The following DNAH6 variants were observed in gnomAD, a reference collection of about 807,000 sequenced individuals.
DNAH6 encodes the protein dynein axonemal heavy chain 6.
DNAH6 carries 340 observed loss-of-function variants against 491.4 expected under a neutral mutation model. That is an observed-to-expected ratio of 0.69 (90% CI 0.63 to 0.76). DNAH6 has a LOEUF of 0.76. Ranked by LOEUF, DNAH6 falls within the 30% of genes least tolerant of loss-of-function variation. The pLI, the probability that DNAH6 is intolerant of heterozygous loss-of-function variation, is 0.00. For synonymous variants in DNAH6, 1,603 were observed against 1,686.1 expected, an observed-to-expected ratio of 0.95 and a Z score of 1.21; for missense variants, 4,443 against 4,972.2, an observed-to-expected ratio of 0.89 and a Z score of 3.20.
chr2:84,626,369 T>C (rs1687856575), intron 29 of DNAH6, among the ~76,000 whole-genome samples: 1 of 152,192 alleles, frequency 6.6e-6, no homozygotes, highest in Non-Finnish European at 1.5e-5. Context: ...TATAACTAAA[T>C]TATGTCTTCA....
At position 84,517,908 on chromosome 2, in the gene DNAH6, A is replaced by C. The variant is rs756089376; in HGVS notation, c.82A>C (p.Asn28His). The change falls in exon 2 of 77, where the codon AAT (asparagine) becomes CAT (histidine). Residue 28 changes from asparagine (N) to histidine (H), a missense_variant. Coordinates refer to ENST00000389394, the MANE Select transcript of DNAH6 (RefSeq NM_001370.2). The part of the protein sequence containing the change: ...YAENSALSRL[N>H]NIKAKQRVSY... ...CGAAAATTCTGCACTTTCAAGACTG[A>C]ATAATATAAAAGCCAAACAAAGAGT... 15 of 1,551,702 alleles carry C rather than the reference A, an allele frequency of 9.7e-6. No individual in the cohort carries two copies. The Admixed American group carries it at 1.4e-4, about 14-fold the overall frequency.
intron 63 of DNAH6, among the ~76,000 whole-genome samples, chr2:84,761,806 A>G (rs1158990643): frequency 1.3e-5 from 2 of 151,730 alleles, no homozygotes; most frequent in Non-Finnish European, 2.9e-5. Context: ...ACACACACAC[A>G]CACACACACA....
rs758606155 is a variant in DNAH6, at chr2:84,713,250, T to C, written c.9534T>C (p.Tyr3178=). 10 of 1,551,986 alleles carry C rather than the reference T, an allele frequency of 6.4e-6. No individual in the cohort carries two copies. Among genetic ancestry groups the C allele is most frequent in the Admixed American group, 3.9e-5 (2 of 50,952 alleles). Residue 3178 remains tyrosine, a synonymous_variant, in exon 57 of 77, where the codon TAT becomes TAC. Transcript: ENST00000389394. ...YMTTKMPNPH[Y]LPEVCIKVTI... ...CAACCAAAATGCCAAATCCCCACTA[T>C]CTGCCTGAGGTATGAACTACTGGTC... is the stretch of plus-strand genomic sequence containing the variant.
intron 45 of DNAH6, among the ~76,000 whole-genome samples, chr2:84,690,953 G>T (rs1464016404): frequency 6.6e-6 from 1 of 152,158 alleles, no homozygotes; most frequent in Non-Finnish European, 1.5e-5. Flanking sequence ...GGAAAAATTT[G>T]CTTCAGAGCC....
chr2:84,658,491 T>C lies in DNAH6; in HGVS notation c.5940+17T>C, dbSNP rs75927075. The C allele has an allele frequency of 5.4e-3, 7,724 of 1,418,442 alleles. 384 individuals are homozygous for C. In the African/African-American group the frequency reaches 0.1, roughly 19 times the overall value. 87.9% of individuals were successfully genotyped at this position (1,418,442 alleles called of 1,614,324 possible). A position where few individuals can be genotyped will look rare whatever the true frequency, so the allele number is the denominator to read the frequency against. ...TTGGCAATGGTATGAAGAGTTTTCTTATTGCTATGAAGCTAGAAAAATTAG... is the reference window on the plus strand; with the variant it reads ...TTGGCAATGGTATGAAGAGTTTTCTCATTGCTATGAAGCTAGAAAAATTAG... On this transcript the variant is annotated intron_variant, in intron 36 of 76. Transcript: ENST00000389394.
Position 84,577,252 on chromosome 2 carries a change from T to G in DNAH6, c.1925-5T>G, listed in dbSNP as rs764583857. ...TTTATGCTTTATGTGAATTTTTTTA[T>G]GTAGATATTAACTTTTTTAGTGAAC... is the stretch of plus-strand genomic sequence containing the variant. On this transcript the variant is annotated splice_polypyrimidine_tract_variant and splice_region_variant and intron_variant, in intron 12 of 76. Transcript: ENST00000389394. The G allele has an allele frequency of 6.4e-7, 1 of 1,556,826 alleles. No individual in the cohort carries two copies. Among genetic ancestry groups the G allele is most frequent in the Non-Finnish European group, 8.7e-7 (1 of 1,152,810 alleles).
chr2:84,698,766 G>A (rs934004870), intron 47 of DNAH6, among the ~76,000 whole-genome samples: 2 of 152,170 alleles, frequency 1.3e-5, no homozygotes, highest in East Asian at 3.8e-4. Context: ...ATTCACAATA[G>A]CAAAGACACG....
At position 84,792,759 on chromosome 2, in the gene DNAH6, G is replaced by T. The variant is rs1677899328; in HGVS notation, c.11240-3547G>T. ...CTTACAAACATTGGTTAGCAATTAT[G>T]GTCTTTTAGGTTAGGAAGAAGTGCA... is the stretch of plus-strand genomic sequence containing the variant. On this transcript the variant is annotated intron_variant, in intron 68 of 76. Transcript: ENST00000389394. Among the ~76,000 whole-genome samples, 8 of 152,138 alleles carry T rather than the reference G, an allele frequency of 5.3e-5. No individual in the cohort carries two copies. In the South Asian group the frequency reaches 1.7e-3, roughly 32 times the overall value.
chr2:84,802,373 T>C (rs1228000299), intron 70 of DNAH6, among the ~76,000 whole-genome samples: 1 of 152,074 alleles, frequency 6.6e-6, no homozygotes, highest in African/African-American at 2.4e-5. Flanking sequence ...AGATCTATCA[T>C]GCAAACAAAA....
At chr2:84,757,939 T>C (rs1406555092) in intron 63 of DNAH6, among the ~76,000 whole-genome samples, 1 of 152,240 alleles carries the variant, frequency 6.6e-6, no homozygotes, top group African/African-American at 2.4e-5. Context: ...CTGTATTTTA[T>C]GTACTTAACC....
intron 11 of DNAH6, among the ~76,000 whole-genome samples, chr2:84,571,546 T>C (rs1483533733): frequency 1.3e-5 from 2 of 152,070 alleles, no homozygotes; most frequent in Non-Finnish European, 2.9e-5. Context: ...CATGCACATA[T>C]ACACACAACT....
Position 84,658,340 on chromosome 2 carries a change from G to A in DNAH6, c.5806G>A (p.Val1936Ile). 6.5e-7 allele frequency: 1 copy of A among 1,545,000 alleles called. No individual in the cohort carries two copies. The highest frequency in any genetic ancestry group is 1.4e-5 in the African/African-American group (1 of 72,818). ...TATATTGAATCTTTTCCAACGTTAT[G>A]TTGATGAAGGTTTACATTTTATCAA... The part of the protein sequence containing the change: ...EYILNLFQRY[V>I]DEGLHFINKK... Residue 1936 changes from valine (V) to isoleucine (I), a missense_variant, in exon 36 of 77, where the codon GTT (valine) becomes ATT (isoleucine). Coordinates refer to ENST00000389394, the MANE Select transcript of DNAH6 (RefSeq NM_001370.2).
intron 70 of DNAH6, 30 bp downstream of exon 70, chr2:84,797,688 T>C: frequency 6.5e-7 from 1 of 1,533,668 alleles, no homozygotes; most frequent in Non-Finnish European, 8.8e-7. Flanking sequence ...AAAATACATA[T>C]TTATGTTGTG....
chr2:84,677,398 A>G (rs1035514196), intron 41 of DNAH6, among the ~76,000 whole-genome samples: 1 of 152,188 alleles, frequency 6.6e-6, no homozygotes, highest in African/African-American at 2.4e-5. Flanking sequence ...AGAAGGCTGC[A>G]TCTTAGGTCC....
In DNAH6 at chr2:84,580,380, C is replaced by T. The variant is rs534251521; in HGVS notation, c.2229+701C>T. Among the ~76,000 whole-genome samples, 9 of 151,880 alleles carry T rather than the reference C, an allele frequency of 5.9e-5. No individual in the cohort carries two copies. In the South Asian group the frequency reaches 6.3e-4, roughly 11 times the overall value. On this transcript the variant is annotated intron_variant, in intron 14 of 76. Coordinates refer to ENST00000389394, the MANE Select transcript of DNAH6 (RefSeq NM_001370.2). ...TTTGTCTCTTTTGCTTCTTTTTCTC[C>T]GGAAACTTGGTTTCCTCCTCTCAGC...
Position 84,685,416 on chromosome 2 carries a change from G to T in DNAH6, c.7007G>T (p.Arg2336Leu). 6.6e-7 allele frequency: 1 copy of T among 1,521,964 alleles called. No homozygotes were observed. 94.3% of individuals were successfully genotyped at this position (1,521,964 alleles called of 1,614,324 possible). A position where few individuals can be genotyped will look rare whatever the true frequency, so the allele number is the denominator to read the frequency against. Reference protein sequence around the residue: ...CHECQRVFHDRLINNEDKHYF... With the variant: ...CHECQRVFHDLLINNEDKHYF... ...GAGTGCCAAAGGGTCTTCCATGATCGCTTGATTAATAATGAAGATAAGCAC... is the reference window on the plus strand; with the variant it reads ...GAGTGCCAAAGGGTCTTCCATGATCTCTTGATTAATAATGAAGATAAGCAC... The change falls in exon 43 of 77, where the codon CGC becomes CTC. Residue 2336 changes from arginine to leucine, a missense_variant. Arg to Leu is a moderately radical substitution (Grantham distance 102). Transcript: ENST00000389394.
intron 56 of DNAH6, among the ~76,000 whole-genome samples, chr2:84,711,987 T>C (rs1054322160): frequency 2.0e-5 from 3 of 152,202 alleles, no homozygotes; most frequent in African/African-American, 7.2e-5. Flanking sequence ...CAGAAGAGTG[T>C]TTTAACTGTA....
chr2:84,784,191 A>G (rs1283300123), intron 65 of DNAH6, among the ~76,000 whole-genome samples: 1 of 152,172 alleles, frequency 6.6e-6, no homozygotes, highest in African/African-American at 2.4e-5. Flanking sequence ...TCCTCTGTCC[A>G]TATCTCAGAA....
rs1053556121 is a variant in DNAH6 at position 84,681,589 on chromosome 2, A to G, written c.6916+61A>G. ...CTCCCTACTTTTCCATTGGCCCCCA[A>G]ATATCTCAGTAACATTGTATGTATG... is the stretch of plus-strand genomic sequence containing the variant. On this transcript the variant is annotated intron_variant, in intron 42 of 76. Transcript: ENST00000389394. 1.9e-5 allele frequency: 26 copies of G among 1,394,326 alleles called. 1 individual carries two copies. The highest frequency in any genetic ancestry group is 2.9e-5 in the Admixed American group (1 of 34,190). The allele number at this position is 1,394,326 out of a possible 1,614,324, so 86.4% of individuals were successfully genotyped here.
Sources: gnomAD v4.1 joint callset for allele counts (sites outside exome capture counted in the v4.1 genomes callset) on GRCh38, gnomAD v4.1.1 for gene constraint, MANE v1.5 for transcripts, NCBI Gene and HGNC (gene_info 2026-07-23, HGNC 2026-07-21) for gene names.